The following ASH1L variants were observed in gnomAD, a reference collection of about 807,000 sequenced individuals.
ASH1L encodes the protein histone-lysine N-methyltransferase ASH1L.
Under a neutral mutation model 269.0 loss-of-function variants are expected in ASH1L, and 23 were observed. The observed-to-expected ratio is 0.09, with a 90% CI of 0.06 to 0.12. The LOEUF (loss-of-function observed/expected upper bound fraction) is 0.12. Among genes scored for constraint, ASH1L ranks in the 10% least tolerant of loss-of-function variants. The pLI, the probability that ASH1L is intolerant of heterozygous loss-of-function variation, is 1.00. For missense variants in ASH1L, 2,912 were observed against 3,567.8 expected (o/e 0.82, Z 4.68); for synonymous variants, 1,187 against 1,253.5 (o/e 0.95, Z 1.12).
chr1:155,363,184 C>T (rs866498646), intron 12 of ASH1L, among the ~76,000 whole-genome samples: 12 of 152,012 alleles, frequency 7.9e-5, no homozygotes, highest in African/African-American at 2.4e-4. Context: ...GATTTCTCCA[C>T]GTTGGTCAGG....
intron 6 of ASH1L, among the ~76,000 whole-genome samples, chr1:155,406,203 CA>C (rs964056210): frequency 0.021 from 1,085 of 52,114 alleles, 10 homozygotes; most frequent in African/African-American, 0.065. Flanking sequence ...GACTCTGTCT[CA>C]AAAAAAAAAA....
At chr1:155,447,421 GGTTTCATGT>G (rs1663121205) in intron 4 of ASH1L, among the ~76,000 whole-genome samples, 1 of 152,046 alleles carries the variant, frequency 6.6e-6, no homozygotes, top group Non-Finnish European at 1.5e-5. Context: ...GTAGAGACGG[GGTTTCATGT>G]GTTGCTCAAG....
chr1:155,521,631 T>G lies in ASH1L; in HGVS notation c.-99-13A>C. ...CCAGCATCTTTCTCTGCAGAACAGA[T>G]CATAACAAAAATTTATCAGAAAAGA... On this transcript the variant is annotated splice_polypyrimidine_tract_variant and intron_variant, in intron 1 of 27. Transcript: ENST00000392403. 9.8e-7 allele frequency: 1 copy of G among 1,024,918 alleles called. No homozygotes were observed. The highest frequency in any genetic ancestry group is 1.4e-6 in the Non-Finnish European group (1 of 708,632). 63.5% of individuals were successfully genotyped at this position (1,024,918 alleles called of 1,614,324 possible).
chr1:155,517,819 G>A (rs1257162587), intron 2 of ASH1L, among the ~76,000 whole-genome samples: 1 of 5,422 alleles, frequency 1.8e-4, no homozygotes, highest in South Asian at 5.2e-3. Context: ...TTTTTTTTTT[G>A]AGACGGAGTC....
chr1:155,394,525 A>G (rs1236662079), intron 7 of ASH1L, among the ~76,000 whole-genome samples: 2 of 152,200 alleles, frequency 1.3e-5, no homozygotes, highest in African/African-American at 2.4e-5. Context: ...CACAGACTTG[A>G]GAGATAGCAA....
chr1:155,548,350 T>C (rs914464202), intron 1 of ASH1L, among the ~76,000 whole-genome samples: 4 of 152,094 alleles, frequency 2.6e-5, no homozygotes, highest in Admixed American at 1.3e-4. Context: ...GGTAAAACCC[T>C]GTCTCTACTA....
chr1:155,459,965 T>A, intron 3 of ASH1L, 67 bp from the exon 4 acceptor site: 1 of 1,280,268 alleles, frequency 7.8e-7, no homozygotes, highest in South Asian at 1.4e-5. Flanking sequence ...GAAACCATCT[T>A]TTGTTAGAAC....
intron 26 of ASH1L, 130 bp from the exon 27 acceptor site, chr1:155,338,520 T>C (rs1405747834): frequency 7.2e-6 from 5 of 691,258 alleles, no homozygotes; most frequent in Non-Finnish European, 1.2e-5. Context: ...GTAAGAAACT[T>C]GACTCTCGTT....
intron 12 of ASH1L, among the ~76,000 whole-genome samples, chr1:155,361,810 T>A (rs1025992497): frequency 6.7e-6 from 1 of 148,974 alleles, no homozygotes; most frequent in Admixed American, 6.7e-5. Flanking sequence ...GAGGCAGAGG[T>A]TGCAGTGAGC....
chr1:155,512,427 A>AT (rs1463733807), intron 2 of ASH1L, among the ~76,000 whole-genome samples: 1 of 149,194 alleles, frequency 6.7e-6, no homozygotes, highest in Non-Finnish European at 1.5e-5. Context: ...TTAAAAAAAA[A>AT]GAAAGGCAAA....
chr1:155,364,722 T>C (rs1006175165), intron 12 of ASH1L, among the ~76,000 whole-genome samples: 1 of 151,958 alleles, frequency 6.6e-6, no homozygotes, highest in South Asian at 2.1e-4. Flanking sequence ...GGCTGACTTA[T>C]TGAGCCCAGG....
intron 12 of ASH1L, among the ~76,000 whole-genome samples, chr1:155,363,309 A>G (rs1049672684): frequency 1.3e-5 from 2 of 150,430 alleles, no homozygotes; most frequent in African/African-American, 2.5e-5. Flanking sequence ...ACAGTATCTC[A>G]CTCTTGTATA....
At chr1:155,434,065 A>G (rs759722657) in intron 5 of ASH1L, 1 of 1,592,552 alleles carries the variant, frequency 6.3e-7, no homozygotes, top group East Asian at 2.3e-5. Context: ...ATGCATAACG[A>G]GAGGATTTTG....
In ASH1L at chr1:155,481,740, C is replaced by T. The variant is rs1665978676; in HGVS notation, c.1130G>A (p.Gly377Asp). The stretch of plus-strand genomic sequence containing the variant: ...CTTGGCCACTAGGCCAACAGTAGAA[C>T]CCAATTTCTTTCCCAAATCTTTATT... ...LVNKDLGKKL[G>D]STVGLVAKDC... The change falls in exon 3 of 28, where the codon GGT (glycine) becomes GAT (aspartate). Residue 377 changes from glycine to aspartate, a missense_variant. By Grantham distance (94) the Gly-to-Asp change is moderately conservative (BLOSUM62 -1). Coordinates refer to ENST00000392403, the MANE Select transcript of ASH1L (RefSeq NM_018489.3). The T allele has an allele frequency of 6.2e-7, 1 of 1,614,188 alleles. No homozygotes were observed. Among genetic ancestry groups the T allele is most frequent in the Non-Finnish European group, 8.5e-7 (1 of 1,180,036 alleles).
intron 2 of ASH1L, among the ~76,000 whole-genome samples, chr1:155,496,545 A>G (rs973561650): frequency 1.3e-5 from 2 of 152,236 alleles, no homozygotes; most frequent in Admixed American, 6.5e-5. Context: ...AATTGACTGA[A>G]TAATTCCATC....
In ASH1L at chr1:155,401,749, T is replaced by C. The variant is rs150811073; in HGVS notation, c.6009-6196A>G. The stretch of plus-strand genomic sequence containing the variant: ...GTTACAGAAAGCCAAGATCGTGCTA[T>C]TGCACACCAGCCTGGGTGACAGAGT... On this transcript the variant is annotated intron_variant, in intron 6 of 27. Transcript: ENST00000392403. Among the ~76,000 whole-genome samples the C allele has an allele frequency of 9.4e-3, 1,406 of 150,208 alleles. 12 individuals are homozygous for C. The highest frequency in any genetic ancestry group is 0.013 in the Non-Finnish European group (890 of 67,498).
chr1:155,385,387 T>TG (rs1657343619), intron 7 of ASH1L, among the ~76,000 whole-genome samples: 1 of 152,168 alleles, frequency 6.6e-6, no homozygotes, highest in African/African-American at 2.4e-5. Context: ...GAGGCTACGG[T>TG]GGGCAGAGAT....
At chr1:155,413,843 A>C (rs1659998461) in intron 6 of ASH1L, among the ~76,000 whole-genome samples, 1 of 152,102 alleles carries the variant, frequency 6.6e-6, no homozygotes, top group South Asian at 2.1e-4. Flanking sequence ...AACTTCTCTT[A>C]AATTAAAAAA....
chr1:155,562,444 GCAGCAGCA>G lies in ASH1L; in HGVS notation c.-399_-392del, dbSNP rs1672076514. 1 of 1,468,056 alleles carries G rather than the reference GCAGCAGCA, an allele frequency of 6.8e-7. No individual in the cohort carries two copies. The highest frequency in any genetic ancestry group is 9.2e-7 in the Non-Finnish European group (1 of 1,083,340). The allele number at this position is 1,468,056 out of a possible 1,614,324, so 90.9% of individuals were successfully genotyped here. A position where few individuals can be genotyped will look rare whatever the true frequency, so the allele number is the denominator to read the frequency against. Reference sequence around the variant, plus strand: ...GGCGGGAGCGGCGGCGGCGGCGGCGGCAGCAGCAGAGTGGCGGCGGTGGCGGCGGCAGC... The same window carrying G: ...GGCGGGAGCGGCGGCGGCGGCGGCGGGAGTGGCGGCGGTGGCGGCGGCAGC... On this transcript the variant is annotated 5_prime_UTR_variant, in exon 1 of 28. Transcript: ENST00000392403.
Sources: allele counts gnomAD v4.1 joint callset (sites outside exome capture counted in the v4.1 genomes callset), GRCh38; gene constraint gnomAD v4.1.1; transcripts MANE v1.5; gene names NCBI Gene and HGNC (gene_info 2026-07-23, HGNC 2026-07-21).